Variants in UGT2B7 observed in about 807,000 individuals in gnomAD.
UGT2B7 encodes the protein UDP-glucuronosyltransferase 2B7.
In UGT2B7, 51 loss-of-function variants were observed where a neutral mutation model predicts 51.9. The observed-to-expected ratio is 0.98, with a 90% CI of 0.78 to 1.24. The LOEUF (loss-of-function observed/expected upper bound fraction) is 1.24. Among genes scored for constraint, UGT2B7 ranks in the 50% most tolerant of loss-of-function variants. The pLI is 0.00. For synonymous variants in UGT2B7, 225 were observed against 211.6 expected (o/e 1.06, Z -0.55); for missense variants, 727 against 628.4 (o/e 1.16, Z -1.68).
intron 5 of UGT2B7, 143 bp from the exon 6 acceptor site, chr4:69,112,314 T>C: frequency 3.3e-6 from 4 of 1,194,576 alleles, no homozygotes; most frequent in East Asian, 2.6e-5. Flanking sequence ...CAGGAATTGC[T>C]CACTCAGGGA....
At chr4:69,098,826 A>G (rs1247338146) in intron 2 of UGT2B7, 138 bp downstream of exon 2, 2 of 1,413,052 alleles carry the variant, frequency 1.4e-6, no homozygotes, top group Admixed American at 2.4e-5. Context: ...TACCAATTAG[A>G]AACTCATGTG....
intron 1 of UGT2B7, among the ~76,000 whole-genome samples, chr4:69,055,919 C>T (rs1410636937): frequency 6.6e-6 from 1 of 152,136 alleles, no homozygotes; most frequent in Non-Finnish European, 1.5e-5. Context: ...GGTGGAGTTC[C>T]AATTACACAG....
intron 1 of UGT2B7, among the ~76,000 whole-genome samples, chr4:69,063,325 A>AAAAAAG (rs1560499416): frequency 5.5e-5 from 7 of 126,526 alleles, no homozygotes; most frequent in Non-Finnish European, 4.8e-5. Context: ...TCTCAAAAAA[A>AAAAAAG]AAAAAAAAAA....
At chr4:69,099,627 G>A (rs1719362824) in intron 2 of UGT2B7, among the ~76,000 whole-genome samples, 1 of 151,962 alleles carries the variant, frequency 6.6e-6, no homozygotes, top group Non-Finnish European at 1.5e-5. Flanking sequence ...TACAAAAATA[G>A]TGGCAACTTC....
chr4:69,070,307 T>C (rs138404140), intron 1 of UGT2B7, among the ~76,000 whole-genome samples: 1 of 148,080 alleles, frequency 6.8e-6, no homozygotes, highest in African/African-American at 2.4e-5. Context: ...ATTGTATTTT[T>C]ATTGTTTTAT....
chr4:69,097,795 T>C (rs1374619263), intron 1 of UGT2B7, among the ~76,000 whole-genome samples: 1 of 152,070 alleles, frequency 6.6e-6, no homozygotes, highest in Non-Finnish European at 1.5e-5. Context: ...TTCTATACTC[T>C]TTCACGAAAG....
chr4:69,091,049 A>G (rs1438876257), intron 2 of UGT2B7, among the ~76,000 whole-genome samples: 2 of 152,208 alleles, frequency 1.3e-5, no homozygotes, highest in East Asian at 3.9e-4. Context: ...TCTGTTCTTT[A>G]TTGGAAAATC....
chr4:69,100,299 A>C (rs1719380708), intron 2 of UGT2B7, among the ~76,000 whole-genome samples: 1 of 149,292 alleles, frequency 6.7e-6, no homozygotes, highest in East Asian at 2.0e-4. Context: ...CTTAGTTTAG[A>C]TTCCAGGGAA....
chr4:69,074,253 A>G (rs1465501832), intron 1 of UGT2B7, among the ~76,000 whole-genome samples: 1 of 151,764 alleles, frequency 6.6e-6, no homozygotes, highest in Non-Finnish European at 1.5e-5. Context: ...AGGTGAGAGA[A>G]TCACTTGAGC....
chr4:69,074,735 T>C (rs1718667371), intron 1 of UGT2B7, among the ~76,000 whole-genome samples: 1 of 152,138 alleles, frequency 6.6e-6, no homozygotes, highest in Non-Finnish European at 1.5e-5. Context: ...TGTTCCTTGC[T>C]TCAAGGTACT....
At chr4:69,107,980 C>T (rs1719658201) in intron 4 of UGT2B7, 123 bp from the exon 5 acceptor site, 1 of 1,315,590 alleles carries the variant, frequency 7.6e-7, no homozygotes, top group Non-Finnish European at 1.1e-6. Flanking sequence ...CCTCCGAAGT[C>T]TGAAACACAA....
upstream of UGT2B7, chr4:69,096,422 G>T: frequency 1.3e-6 from 2 of 1,570,854 alleles, no homozygotes; most frequent in Non-Finnish European, 1.7e-6. Flanking sequence ...ACTTATAAGG[G>T]TTACATTTTA....
chr4:69,085,828 A>G (rs1421539733), intron 1 of UGT2B7, among the ~76,000 whole-genome samples: 1 of 151,870 alleles, frequency 6.6e-6, no homozygotes, highest in African/African-American at 2.4e-5. Context: ...ACTTGTTTAT[A>G]ATAATATCTT....
chr4:69,073,657 A>G (rs1381890387), intron 1 of UGT2B7, among the ~76,000 whole-genome samples: 3 of 152,198 alleles, frequency 2.0e-5, no homozygotes, highest in South Asian at 2.1e-4. Context: ...TACACTTGAG[A>G]CAAACACATT....
chr4:69,109,289 T>A (rs1182881553), intron 5 of UGT2B7, among the ~76,000 whole-genome samples: 2 of 152,310 alleles, frequency 1.3e-5, no homozygotes, highest in Admixed American at 6.5e-5. Flanking sequence ...ATGTGGGAAC[T>A]GTATGTTTAT....
chr4:69,108,353 T>C lies in UGT2B7; in HGVS notation c.1310+31T>C, dbSNP rs377264995. The C allele has an allele frequency of 1.4e-3, 2,198 of 1,607,054 alleles. 52 individuals are homozygous for C. In the South Asian group the frequency reaches 0.023, roughly 17 times the overall value. ...TAGAACAATATTTTTCACTAGGTGG[T>C]ATTTACAGATAGCTTCTCTTGTCAA... On this transcript the variant is annotated intron_variant, in intron 5 of 5. Transcript: ENST00000305231.
At chr4:69,062,521 C>A (rs1166870023) in intron 1 of UGT2B7, among the ~76,000 whole-genome samples, 2 of 152,172 alleles carry the variant, frequency 1.3e-5, no homozygotes, top group Non-Finnish European at 2.9e-5. Context: ...ATATTGTGAT[C>A]TTGTCCACTC....
upstream of UGT2B7, among the ~76,000 whole-genome samples, chr4:69,093,434 T>G (rs1202201525): frequency 6.6e-6 from 1 of 152,166 alleles, no homozygotes. Flanking sequence ...CCAGTGGATC[T>G]TATCCTGTGA....
chr4:69,100,094 G>T (rs1719375722), intron 2 of UGT2B7, among the ~76,000 whole-genome samples: 1 of 148,138 alleles, frequency 6.8e-6, no homozygotes, highest in Non-Finnish European at 1.5e-5. Flanking sequence ...TGAGACCCCA[G>T]AGATTTACAT....
Sources: allele counts gnomAD v4.1 joint callset (sites outside exome capture counted in the v4.1 genomes callset), GRCh38; gene constraint gnomAD v4.1.1; transcripts MANE v1.5; gene names NCBI Gene and HGNC (gene_info 2026-07-23, HGNC 2026-07-21).